PCDHA5: variants seen among roughly 807,000 people sequenced by gnomAD.
PCDHA5 encodes protocadherin alpha 5, also known as protocadherin alpha-5.
PCDHA5 carries 43 observed loss-of-function variants against 61.6 expected under a neutral mutation model. The ratio of observed to expected loss-of-function variants is 0.70; its 90% confidence interval spans 0.55 to 0.90. The LOEUF is 0.90. Among genes scored for constraint, PCDHA5 ranks in the 40% least tolerant of loss-of-function variants. The pLI is 0.00. For synonymous variants in PCDHA5, 627 were observed against 543.9 expected (o/e 1.15, Z -2.13); for missense variants, 1,298 against 1,222.7 (o/e 1.06, Z -0.92).
Position 140,850,115 on chromosome 5 carries a change from G to C in PCDHA5, c.2352+25988G>C, listed in dbSNP as rs2150468444. ...AGTTCCAGGTGAGCGCGCGCGACGCGGGCGTGCCGCCTCTGGGCAGCAACG... is the reference window on the plus strand; with the variant it reads ...AGTTCCAGGTGAGCGCGCGCGACGCCGGCGTGCCGCCTCTGGGCAGCAACG... On this transcript the variant is annotated intron_variant, in intron 1 of 3. Transcript: ENST00000529859. The C allele has an allele frequency of 8.1e-6, 13 of 1,596,094 alleles. 2 individuals are homozygous for C. Among genetic ancestry groups the C allele is most frequent in the Non-Finnish European group, 1.1e-5 (13 of 1,167,854 alleles).
At chr5:140,928,309 G>A (rs1554205732) in intron 1 of PCDHA5, 1 of 1,614,122 alleles carries the variant, frequency 6.2e-7, no homozygotes, top group Non-Finnish European at 8.5e-7. Context: ...CCAGGACCCC[G>A]ACCTGGGGAA....
At chr5:140,857,099 G>T in intron 1 of PCDHA5, 1 of 1,597,354 alleles carries the variant, frequency 6.3e-7, no homozygotes, top group Non-Finnish European at 8.6e-7. Context: ...TGAGGTGATT[G>T]TCACTTCTCT....
chr5:140,842,521 C>G lies in PCDHA5; in HGVS notation c.2352+18394C>G, dbSNP rs144333530. ...ATGTCCCCTTCAAGCTGGTGTCCAC[C>G]TTCAAGAATTACTACTCGTTGGTGC... On this transcript the variant is annotated intron_variant, in intron 1 of 3. Coordinates refer to ENST00000529859, the MANE Select transcript of PCDHA5 (RefSeq NM_018908.3). 5.7e-4 allele frequency: 916 copies of G among 1,613,508 alleles called. 20 individuals are homozygous for G. Among genetic ancestry groups the G allele is most frequent in the Non-Finnish European group, 7.4e-4 (868 of 1,179,496 alleles).
At chr5:140,924,762 G>A (rs1554202136) in intron 1 of PCDHA5, among the ~76,000 whole-genome samples, 1 of 151,856 alleles carries the variant, frequency 6.6e-6, no homozygotes, top group Non-Finnish European at 1.5e-5. Context: ...GAGCATGGTG[G>A]TGCGCGCTTG....
intron 1 of PCDHA5, chr5:140,824,613 T>G (rs2150135579): frequency 6.5e-5 from 8 of 122,680 alleles, no homozygotes; most frequent in Middle Eastern, 3.6e-3. Flanking sequence ...AATTAAAGTT[T>G]TTTTTTTTTT....
At chr5:140,876,607 T>C in intron 1 of PCDHA5, 1 of 1,614,186 alleles carries the variant, frequency 6.2e-7, no homozygotes, top group Non-Finnish European at 8.5e-7. Flanking sequence ...GGATCGTGAC[T>C]CTGGAGCCAA....
At chr5:140,824,611 T>TTG (rs1554129944) in intron 1 of PCDHA5, 3 of 19,848 alleles carry the variant, frequency 1.5e-4, no homozygotes, top group African/African-American at 5.0e-4. Context: ...CTAATTAAAG[T>TTG]TTTTTTTTTT....
At chr5:140,888,426 C>G (rs1315110358) in intron 1 of PCDHA5, among the ~76,000 whole-genome samples, 1 of 152,168 alleles carries the variant, frequency 6.6e-6, no homozygotes, top group Non-Finnish European at 1.5e-5. Flanking sequence ...CTACCGTGCA[C>G]AGGACAGCCG....
chr5:140,823,391 C>G lies in PCDHA5; in HGVS notation c.1616C>G (p.Ala539Gly), dbSNP rs2150125471. ...CAGTTCCAGGTGAGCGCGCGCGACG[C>G]GGGCGTGCCGCCTCTGGGCAGCAAC... ...LLQFQVSARD[A>G]GVPPLGSNVT... The change falls in exon 1 of 4, where the codon GCG (alanine) becomes GGG (glycine). Residue 539 changes from alanine to glycine, a missense_variant. Coordinates refer to ENST00000529859, the MANE Select transcript of PCDHA5 (RefSeq NM_018908.3). The G allele has an allele frequency of 6.2e-7, 1 of 1,612,850 alleles. No homozygotes were observed. Among genetic ancestry groups the G allele is most frequent in the East Asian group, 2.2e-5 (1 of 44,848 alleles).
Position 140,968,897 on chromosome 5 carries a change from G to A in PCDHA5, c.2353-10052G>A, listed in dbSNP as rs1554231210. On this transcript the variant is annotated intron_variant, in intron 1 of 3. Transcript: ENST00000529859. The stretch of plus-strand genomic sequence containing the variant: ...TGAAATTACCCTTTATCTAATAATA[G>A]CATTAAGCACAGTGTCTTTTATATT... The A allele has an allele frequency of 3.7e-6, 6 of 1,614,034 alleles. No homozygotes were observed. In the African/African-American group the frequency reaches 4.0e-5, roughly 11 times the overall value.
intron 1 of PCDHA5, among the ~76,000 whole-genome samples, chr5:140,831,887 T>C (rs2150198010): frequency 2.4e-4 from 37 of 152,304 alleles, no homozygotes; most frequent in African/African-American, 6.5e-4. Context: ...CGCTTATAAC[T>C]GTGTTTGCCA....
At chr5:141,006,634 A>G (rs1324728437) in intron 3 of PCDHA5, among the ~76,000 whole-genome samples, 4 of 152,220 alleles carry the variant, frequency 2.6e-5, no homozygotes, top group Non-Finnish European at 5.9e-5. Flanking sequence ...GCTGCAATTC[A>G]TATAAGAGAT....
At chr5:140,975,610 C>T (rs1412581927) in intron 1 of PCDHA5, among the ~76,000 whole-genome samples, 5 of 152,160 alleles carry the variant, frequency 3.3e-5, no homozygotes, top group Non-Finnish European at 7.4e-5. Flanking sequence ...TGATGTCTTC[C>T]ACATGGATTT....
intron 1 of PCDHA5, chr5:140,866,649 T>C (rs1554160460): frequency 6.6e-6 from 1 of 152,162 alleles, no homozygotes; most frequent in South Asian, 2.1e-4. Context: ...AAAATTTATT[T>C]ATGTGTTTTC....
chr5:140,879,805 A>G (rs992856039), intron 1 of PCDHA5, among the ~76,000 whole-genome samples: 1 of 152,128 alleles, frequency 6.6e-6, no homozygotes, highest in Non-Finnish European at 1.5e-5. Flanking sequence ...TCCAGTTTCT[A>G]TTGGCTGTTG....
chr5:140,884,534 C>T (rs781847666), intron 1 of PCDHA5: 3 of 1,614,180 alleles, frequency 1.9e-6, no homozygotes, highest in Admixed American at 3.3e-5. Context: ...GCAGAGGCGG[C>T]CGAGGGTGTG....
chr5:140,883,508 G>C (rs939760233), intron 1 of PCDHA5: 19 of 1,614,202 alleles, frequency 1.2e-5, no homozygotes, highest in Non-Finnish European at 1.5e-5. Flanking sequence ...CAGCGCCCTG[G>C]ACCGCGAGAG....
chr5:140,882,132 A>C, intron 1 of PCDHA5: 1 of 1,475,878 alleles, frequency 6.8e-7, no homozygotes. Flanking sequence ...TTCTTCCTGC[A>C]GAAAATATAG....
intron 2 of PCDHA5, among the ~76,000 whole-genome samples, chr5:140,979,789 C>CAAAT (rs1244398411): frequency 2.6e-5 from 4 of 152,148 alleles, no homozygotes; most frequent in African/African-American, 9.7e-5. Context: ...GACCAAGAAA[C>CAAAT]AAATGATCAC....
Sources: allele counts gnomAD v4.1 joint callset (sites outside exome capture counted in the v4.1 genomes callset), GRCh38; gene constraint gnomAD v4.1.1; transcripts MANE v1.5; gene names NCBI Gene and HGNC (gene_info 2026-07-23, HGNC 2026-07-21).